Variants in JMJD1C observed in about 807,000 individuals in gnomAD.
The protein encoded by JMJD1C is jumonji domain containing 1C, also known as jumonji domain-containing protein 1C.
A neutral mutation model predicts 245.3 loss-of-function variants in JMJD1C; 31 were observed. That is an observed-to-expected ratio of 0.13 (90% CI 0.09 to 0.17). The LOEUF (loss-of-function observed/expected upper bound fraction) is 0.17, where lower values mean the gene tolerates loss of function less well. Ranked by LOEUF, JMJD1C falls within the 10% of genes least tolerant of loss-of-function variation. The pLI, the probability that JMJD1C is intolerant of heterozygous loss-of-function variation, is 1.00. For synonymous variants in JMJD1C, 1,057 were observed against 1,017.4 expected (o/e 1.04, Z -0.74); for missense variants, 2,691 against 3,000.2 (o/e 0.90, Z 2.41).
chr10:63,438,937 T>C (rs1951208460), intron 1 of JMJD1C, among the ~76,000 whole-genome samples: 1 of 152,228 alleles, frequency 6.6e-6, no homozygotes, highest in Admixed American at 6.5e-5. Context: ...TATCTTCTTA[T>C]CTTTTGTCTC....
At chr10:63,295,959 A>ATGTGTGTGTGTG (rs370590868) in intron 2 of JMJD1C, among the ~76,000 whole-genome samples, 11 of 89,858 alleles carry the variant, frequency 1.2e-4, no homozygotes, top group African/African-American at 4.4e-4. Flanking sequence ...ATACACGTAT[A>ATGTGTGTGTGTG]TGTGTGTGTG....
intron 3 of JMJD1C, among the ~76,000 whole-genome samples, chr10:63,249,141 C>A (rs1852692981): frequency 6.6e-6 from 1 of 152,112 alleles, no homozygotes; most frequent in Admixed American, 6.5e-5. Flanking sequence ...CATGATAAAA[C>A]CCTGTCTCTA....
intron 1 of JMJD1C, among the ~76,000 whole-genome samples, chr10:63,430,699 A>C (rs1309830204): frequency 1.3e-5 from 2 of 152,188 alleles, no homozygotes; most frequent in African/African-American, 4.8e-5. Context: ...CTACAAATCA[A>C]TGAATTTTAT....
chr10:63,241,447 AATT>A (rs1171104753), intron 3 of JMJD1C, among the ~76,000 whole-genome samples: 1 of 152,204 alleles, frequency 6.6e-6, no homozygotes, highest in Non-Finnish European at 1.5e-5. Flanking sequence ...ATAGGTTTAA[AATT>A]ATTTATATAA....
chr10:63,333,901 T>C (rs188206524), intron 2 of JMJD1C, among the ~76,000 whole-genome samples: 1 of 152,290 alleles, frequency 6.6e-6, no homozygotes, highest in African/African-American at 2.4e-5. Flanking sequence ...GCAAAATATC[T>C]GTATCTATAG....
At chr10:63,463,387 A>G (rs1012043032) in intron 1 of JMJD1C, among the ~76,000 whole-genome samples, 2 of 152,016 alleles carry the variant, frequency 1.3e-5, no homozygotes, top group Non-Finnish European at 2.9e-5. Context: ...GGCTAGTCTC[A>G]AAACTCCTGC....
rs777607641 is a variant in JMJD1C, at chr10:63,194,365, T to C, written c.5655A>G (p.Leu1885=). 17 of 1,607,120 alleles carry C rather than the reference T, an allele frequency of 1.1e-5. No homozygotes were observed. Among genetic ancestry groups the C allele is most frequent in the African/African-American group, 5.3e-5 (4 of 74,798 alleles). The part of the protein sequence containing the change: ...KERKSSRDKE[L]YAWMKCVKGQ... ...CCTTCACACACTTCATCCAAGCATA[T>C]AGTTCTTTATCTGTAAGATAATAAA... is the stretch of plus-strand genomic sequence containing the variant. Residue 1885 remains leucine (L), a synonymous_variant, in exon 14 of 26, where the codon CTA becomes CTG. Coordinates refer to ENST00000399262, the MANE Select transcript of JMJD1C (RefSeq NM_032776.3).
chr10:63,244,711 C>T (rs894123827), intron 3 of JMJD1C, among the ~76,000 whole-genome samples: 3 of 150,766 alleles, frequency 2.0e-5, no homozygotes, highest in Admixed American at 6.6e-5. Flanking sequence ...GGTGGTGGTG[C>T]GCACCTATCG....
chr10:63,193,012 G>C lies in JMJD1C; in HGVS notation c.6002C>G (p.Thr2001Ser). 1.2e-6 allele frequency: 2 copies of C among 1,614,118 alleles called. No individual in the cohort carries two copies. Among genetic ancestry groups the C allele is most frequent in the East Asian group, 2.2e-5 (1 of 44,880 alleles). Residue 2001 changes from threonine to serine, a missense_variant, in exon 16 of 26, where the codon ACT (threonine) becomes AGT (serine). By Grantham distance (58) the Thr-to-Ser change is moderately conservative. Coordinates refer to ENST00000399262, the MANE Select transcript of JMJD1C (RefSeq NM_032776.3). The part of the protein sequence containing the change: ...ESDVGTDNKL[T>S]PPESQSPLHW... ...CAGTGGTGACTGGGATTCTGGAGGAGTTAACTTGTTATCTGTGCCTACATC... is the reference window on the plus strand; with the variant it reads ...CAGTGGTGACTGGGATTCTGGAGGACTTAACTTGTTATCTGTGCCTACATC...
chr10:63,213,957 G>T lies in JMJD1C; in HGVS notation c.2210C>A (p.Pro737His). The change falls in exon 8 of 26, where the codon CCT becomes CAT. Residue 737 changes from proline (P) to histidine (H), a missense_variant. This residue lies in a region of JMJD1C where 1,562 missense variants were observed against 1,490.7 expected (regional missense o/e 1.05). Transcript: ENST00000399262. ...NHISPFLSQH[P>H]FPLHSSSHRT... Reference sequence around the variant, plus strand: ...ATGAGATGAGGAGTGAAGAGGAAAAGGATGCTGGCTTAGGAAAGGTGAAAT... The same window carrying T: ...ATGAGATGAGGAGTGAAGAGGAAAATGATGCTGGCTTAGGAAAGGTGAAAT... The T allele has an allele frequency of 6.2e-7, 1 of 1,614,070 alleles. No homozygotes were observed. Among genetic ancestry groups the T allele is most frequent in the South Asian group, 1.1e-5 (1 of 91,082 alleles).
chr10:63,224,004 C>T (rs966315805), intron 3 of JMJD1C, among the ~76,000 whole-genome samples: 8 of 152,060 alleles, frequency 5.3e-5, no homozygotes, highest in African/African-American at 1.7e-4. Context: ...CGCCTGCGTC[C>T]GCCTCCCAAT....
chr10:63,332,164 C>T (rs1171737707), intron 2 of JMJD1C, among the ~76,000 whole-genome samples: 1 of 152,110 alleles, frequency 6.6e-6, no homozygotes, highest in African/African-American at 2.4e-5. Flanking sequence ...TAGATGAAGT[C>T]TAAGTTAGGC....
chr10:63,330,499 G>T (rs991593692), intron 2 of JMJD1C, among the ~76,000 whole-genome samples: 2 of 151,932 alleles, frequency 1.3e-5, no homozygotes, highest in Admixed American at 1.3e-4. Flanking sequence ...GAATCCAAAG[G>T]TTTATTACAT....
At chr10:63,403,981 G>A (rs532496323) in intron 1 of JMJD1C, among the ~76,000 whole-genome samples, 2 of 151,620 alleles carry the variant, frequency 1.3e-5, no homozygotes, top group African/African-American at 2.4e-5. Context: ...CTGGTATGGT[G>A]GCACGCACCT....
rs755563969 is a variant in JMJD1C at position 63,213,546 on chromosome 10, G to A, written c.2621C>T (p.Ser874Leu). The change falls in exon 8 of 26, where the codon TCA (serine) becomes TTA (leucine). Residue 874 changes from serine (S) to leucine (L), a missense_variant. By Grantham distance (145) the Ser-to-Leu change is moderately radical (BLOSUM62 -2). Transcript: ENST00000399262. The stretch of plus-strand genomic sequence containing the variant: ...CTTAGAAGAAGGCAAACCAAGTCCT[G>A]AGTATGCATGTGTTCCATTTGGATA... ...WQYPNGTHAY[S>L]GLGLPSSKWV... 1.9e-6 allele frequency: 3 copies of A among 1,612,164 alleles called. No individual in the cohort carries two copies. Among genetic ancestry groups the A allele is most frequent in the South Asian group, 1.1e-5 (1 of 91,074 alleles).
At chr10:63,436,540 C>T (rs1043760328) in intron 1 of JMJD1C, among the ~76,000 whole-genome samples, 35 of 152,182 alleles carry the variant, frequency 2.3e-4, no homozygotes, top group African/African-American at 8.4e-4. Context: ...CAGTCATCCA[C>T]CACACTCATG....
chr10:63,405,217 A>C (rs1250851859), intron 1 of JMJD1C, among the ~76,000 whole-genome samples: 1 of 152,190 alleles, frequency 6.6e-6, no homozygotes, highest in Non-Finnish European at 1.5e-5. Context: ...TTCAGATGAG[A>C]ACTCAAGACC....
At chr10:63,411,657 C>T (rs1199416002) in intron 1 of JMJD1C, among the ~76,000 whole-genome samples, 1 of 137,372 alleles carries the variant, frequency 7.3e-6, no homozygotes, top group Non-Finnish European at 1.5e-5. Context: ...GGCTGGAGTG[C>T]AGTGGCACAA....
intron 2 of JMJD1C, among the ~76,000 whole-genome samples, chr10:63,342,246 T>C (rs1051562900): frequency 3.9e-5 from 6 of 152,218 alleles, no homozygotes; most frequent in Admixed American, 2.0e-4. Context: ...GAAGATGACA[T>C]TGTTAAACAC....
Sources: gnomAD v4.1 joint callset for allele counts (sites outside exome capture counted in the v4.1 genomes callset) on GRCh38, gnomAD v4.1.1 for gene constraint, gnomAD v4.1.1 regional missense constraint, MANE v1.5 for transcripts, NCBI Gene and HGNC (gene_info 2026-07-23, HGNC 2026-07-21) for gene names.